Variants in PSD4 observed in about 807,000 individuals in gnomAD.
The protein encoded by PSD4 is PH and SEC7 domain-containing protein 4.
A neutral mutation model predicts 112.5 loss-of-function variants in PSD4; 59 were observed. The ratio of observed to expected loss-of-function variants is 0.52; its 90% confidence interval spans 0.43 to 0.65. PSD4 has a LOEUF of 0.65. PSD4 is among the 30% of genes least tolerant of loss of function. The pLI is 0.00. For missense variants in PSD4, 1,267 were observed against 1,352.6 expected, an observed-to-expected ratio of 0.94 and a Z score of 0.99; for synonymous variants, 533 against 540.0, an observed-to-expected ratio of 0.99 and a Z score of 0.18.
At position 113,194,013 on chromosome 2, in the gene PSD4, A is replaced by G. The variant is rs1022224214; in HGVS notation, c.2181+65A>G. On this transcript the variant is annotated intron_variant, in intron 10 of 16. Transcript: ENST00000245796. ...CCTGGAGCCTTGGTTCTTTGTTCCA[A>G]GGGAGATGCTGAGCTTGGGACTGGC... is the stretch of plus-strand genomic sequence containing the variant. The G allele has an allele frequency of 2.0e-6, 3 of 1,515,294 alleles. No individual in the cohort carries two copies. The African/African-American group carries it at 4.2e-5, about 21-fold the overall frequency. 93.9% of individuals were successfully genotyped at this position (1,515,294 alleles called of 1,614,324 possible).
In PSD4 at chr2:113,198,757, G is replaced by A. The variant is rs1185184143; in HGVS notation, c.2642G>A (p.Ser881Asn). The change falls in exon 15 of 17, where the codon AGC becomes AAC. Residue 881 changes from serine (S) to asparagine (N), a missense_variant. By Grantham distance (46) the Ser-to-Asn change is conservative (BLOSUM62 1). This residue lies in a region of PSD4 where 544 missense variants were observed against 648.6 expected (regional missense o/e 0.84). Coordinates refer to ENST00000245796, the MANE Select transcript of PSD4 (RefSeq NM_012455.3). ...LFQAPTAKEM[S>N]SWIARINLAA... ...TGCCCCAGCACTGCCAAGGAGATGA[G>A]CTCCTGGATCGCGCGCATCAACTTG... The A allele has an allele frequency of 1.1e-5, 17 of 1,571,728 alleles. No individual in the cohort carries two copies. Among genetic ancestry groups the A allele is most frequent in the South Asian group, 2.3e-5 (2 of 88,604 alleles).
chr2:113,197,561 C>A lies in PSD4; in HGVS notation c.2387-3C>A. The A allele has an allele frequency of 6.2e-7, 1 of 1,614,194 alleles. No individual in the cohort carries two copies. On this transcript the variant is annotated splice_region_variant and splice_polypyrimidine_tract_variant and intron_variant, in intron 12 of 16. Coordinates refer to ENST00000245796, the MANE Select transcript of PSD4 (RefSeq NM_012455.3). ...CAACATTTGTGTTCTGTTCCTGGAA[C>A]AGCGCCATGGGGCAAGCGTGGCTGG...
At chr2:113,199,254 G>T (rs45587631) in intron 16 of PSD4, 28 bp downstream of exon 16, 1 of 1,431,412 alleles carries the variant, frequency 7.0e-7, no homozygotes, top group Admixed American at 3.0e-5. Flanking sequence ...CCTCCCCGCC[G>T]CTGCGCAGCG....
Position 113,186,196 on chromosome 2 carries a change from A to G in PSD4, c.1569A>G (p.Thr523=). 2 of 1,613,598 alleles carry G rather than the reference A, an allele frequency of 1.2e-6. No homozygotes were observed. Among genetic ancestry groups the G allele is most frequent in the Non-Finnish European group, 1.7e-6 (2 of 1,179,794 alleles). ...KPGEEVKSEG[T]ARPAETGDVQ... ...GCGAGGAAGTAAAGAGTGAAGGAAC[A>G]GCCAGGCCTGCAGAGACTGGAGACG... Residue 523 remains threonine, a synonymous_variant, in exon 5 of 17, where the codon ACA becomes ACG. Transcript: ENST00000245796.
At chr2:113,177,282 C>T (rs750336223) in intron 1 of PSD4, among the ~76,000 whole-genome samples, 4 of 152,228 alleles carry the variant, frequency 2.6e-5, no homozygotes, top group South Asian at 2.1e-4. Flanking sequence ...CTCCAAGCCT[C>T]GGTCTTCCCC....
chr2:113,189,440 T>C (rs527884953), intron 5 of PSD4, among the ~76,000 whole-genome samples: 2 of 152,066 alleles, frequency 1.3e-5, no homozygotes, highest in East Asian at 1.9e-4. Context: ...TTCCATGCTT[T>C]TGTGATTGCA....
rs1217040682 is a variant in PSD4 at position 113,203,078 on chromosome 2, T to C, written c.*1663T>C. The C allele has an allele frequency of 6.6e-6, 1 of 152,340 alleles. No individual in the cohort carries two copies. The highest frequency in any genetic ancestry group is 1.5e-5 in the Non-Finnish European group (1 of 68,070). 9.4% of individuals were successfully genotyped at this position (152,340 alleles called of 1,614,324 possible). On this transcript the variant is annotated 3_prime_UTR_variant, in exon 17 of 17. Transcript: ENST00000245796. ...TGCATATGCAGGAGTCACACGGTCA[T>C]AGGCCATCAAAGCTGGAGGAGACCT...
intron 12 of PSD4, 72 bp from the exon 13 acceptor site, chr2:113,197,492 C>T (rs1200024092): frequency 6.4e-7 from 1 of 1,554,374 alleles, no homozygotes; most frequent in East Asian, 2.3e-5. Flanking sequence ...CATATGCACA[C>T]TTGCGTGTGT....
At chr2:113,198,014 C>A in intron 14 of PSD4, 101 bp downstream of exon 14, 2 of 1,310,796 alleles carry the variant, frequency 1.5e-6, no homozygotes, top group Non-Finnish European at 2.0e-6. Flanking sequence ...CCCAGGGGGT[C>A]CTGGTGGGAA....
Position 113,184,991 on chromosome 2 carries a change from C to A in PSD4, c.1091C>A (p.Pro364Gln), listed in dbSNP as rs768126233. The A allele has an allele frequency of 1.4e-5, 22 of 1,614,236 alleles. No homozygotes were observed. Among genetic ancestry groups the A allele is most frequent in the Non-Finnish European group, 1.7e-5 (20 of 1,180,032 alleles). ...DRLGPAPSAA[P>Q]CVDEALTWES... is the part of the protein sequence containing the mutation. ...CTTGGTCCTGCTCCATCTGCAGCAC[C>A]GTGTGTGGACGAAGCATTGACCTGG... is the stretch of plus-strand genomic sequence containing the variant. Residue 364 changes from proline (P) to glutamine (Q), a missense_variant, in exon 3 of 17, where the codon CCG becomes CAG. Pro to Gln is a moderately conservative substitution (Grantham distance 76). Coordinates refer to ENST00000245796, the MANE Select transcript of PSD4 (RefSeq NM_012455.3).
intron 10 of PSD4, among the ~76,000 whole-genome samples, chr2:113,195,311 C>T (rs1411752576): frequency 6.6e-6 from 1 of 152,052 alleles, no homozygotes; most frequent in African/African-American, 2.4e-5. Context: ...CAGGTGTGCA[C>T]CACCACGCCC....
At position 113,197,877 on chromosome 2, in the gene PSD4, G is replaced by T; in HGVS notation, c.2588G>T (p.Arg863Leu). 1 of 1,601,258 alleles carries T rather than the reference G, an allele frequency of 6.2e-7. No homozygotes were observed. Among genetic ancestry groups the T allele is most frequent in the Middle Eastern group, 2.1e-4 (1 of 4,712 alleles). ...YTKKPHVFQL[R>L]TADWRLYLFQ... ...AAGAAGCCGCACGTCTTCCAGCTGC[G>T]CACGGCTGACTGGCGCCTCTACCTC... The change falls in exon 14 of 17, where the codon CGC becomes CTC. Residue 863 changes from arginine (R) to leucine (L), a missense_variant. Arg to Leu is a moderately radical substitution (Grantham distance 102). This residue lies in a region of PSD4 where 544 missense variants were observed against 648.6 expected (regional missense o/e 0.84). Coordinates refer to ENST00000245796, the MANE Select transcript of PSD4 (RefSeq NM_012455.3).
At chr2:113,193,550 GT>G (rs1558893678) in intron 8 of PSD4, 41 bp from the exon 9 acceptor site, 5 of 1,582,874 alleles carry the variant, frequency 3.2e-6, no homozygotes, top group Non-Finnish European at 4.3e-6. Context: ...AGGAGCCCTG[GT>G]TCCAATGAGC....
chr2:113,201,300 C>G lies in PSD4; in HGVS notation c.3056C>G (p.Ser1019Trp), dbSNP rs751843072. 1 of 1,614,180 alleles carries G rather than the reference C, an allele frequency of 6.2e-7. No individual in the cohort carries two copies. The highest frequency in any genetic ancestry group is 8.5e-7 in the Non-Finnish European group (1 of 1,180,028). ...EPKLSLKKSH[S>W]SPSLHQDEAP... is the part of the protein sequence containing the mutation. Reference sequence around the variant, plus strand: ...AAGCTCAGCCTGAAGAAGTCCCACTCGAGCCCGTCCCTGCACCAGGATGAG... The same window carrying G: ...AAGCTCAGCCTGAAGAAGTCCCACTGGAGCCCGTCCCTGCACCAGGATGAG... Residue 1019 changes from serine to tryptophan, a missense_variant, in exon 17 of 17, where the codon TCG becomes TGG. By Grantham distance (177) the Ser-to-Trp change is radical. Transcript: ENST00000245796.
At chr2:113,194,297 T>C (rs1052165770) in intron 10 of PSD4, among the ~76,000 whole-genome samples, 4 of 152,228 alleles carry the variant, frequency 2.6e-5, no homozygotes, top group African/African-American at 9.6e-5. Flanking sequence ...AGCTCAGACT[T>C]GGGAGCCTGG....
rs1051801818 is a variant in PSD4 at position 113,208,604 on chromosome 2, C to G, written c.*7189C>G. ...AATCAGGGTAGAAGCCTCTGGTTTT[C>G]TTATTTCTTTGTCCTCCTCTGTGGT... is the stretch of plus-strand genomic sequence containing the variant. On this transcript the variant is annotated 3_prime_UTR_variant, in exon 17 of 17. Coordinates refer to ENST00000245796, the MANE Select transcript of PSD4 (RefSeq NM_012455.3). The G allele has an allele frequency of 1.3e-5, 2 of 152,182 alleles. No homozygotes were observed. The highest frequency in any genetic ancestry group is 6.6e-5 in the Admixed American group (1 of 15,264). 9.4% of individuals were successfully genotyped at this position (152,182 alleles called of 1,614,324 possible).
In PSD4 at chr2:113,206,826, G is replaced by C. The variant is rs189630997; in HGVS notation, c.*5411G>C. 1 of 152,242 alleles carries C rather than the reference G, an allele frequency of 6.6e-6. No individual in the cohort carries two copies. Among genetic ancestry groups the C allele is most frequent in the East Asian group, 1.9e-4 (1 of 5,150 alleles). 9.4% of individuals were successfully genotyped at this position (152,242 alleles called of 1,614,324 possible). On this transcript the variant is annotated 3_prime_UTR_variant, in exon 17 of 17. Coordinates refer to ENST00000245796, the MANE Select transcript of PSD4 (RefSeq NM_012455.3). ...TGCATGCCATCCTGCTTGGATGCTG[G>C]GTAGCTTTGCACTTGGCTCTGCCTT...
chr2:113,182,937 C>T lies in PSD4; in HGVS notation c.481C>T (p.Leu161=), dbSNP rs1277123060. 1.3e-5 allele frequency: 21 copies of T among 1,614,204 alleles called. No individual in the cohort carries two copies. The highest frequency in any genetic ancestry group is 1.6e-5 in the Non-Finnish European group (19 of 1,180,024). ...STQVVFWAGI[L]QAQMCVLDLE... is the part of the protein sequence containing the mutation. Reference sequence around the variant, plus strand: ...ACAGGTAGTGTTCTGGGCAGGCATCCTGCAGGCCCAGATGTGTGTCCTAGA... The same window carrying T: ...ACAGGTAGTGTTCTGGGCAGGCATCTTGCAGGCCCAGATGTGTGTCCTAGA... The change falls in exon 2 of 17, where the codon CTG becomes TTG. Residue 161 remains leucine (L), a synonymous_variant. Transcript: ENST00000245796.
intron 5 of PSD4, among the ~76,000 whole-genome samples, chr2:113,191,457 A>G (rs1688438873): frequency 6.6e-6 from 1 of 152,128 alleles, no homozygotes; most frequent in Admixed American, 6.5e-5. Flanking sequence ...TTTTTAGTAG[A>G]GACAGCGTTT....
Sources: gnomAD v4.1 joint callset for allele counts (sites outside exome capture counted in the v4.1 genomes callset) on GRCh38, gnomAD v4.1.1 for gene constraint, gnomAD v4.1.1 regional missense constraint, MANE v1.5 for transcripts, NCBI Gene and HGNC (gene_info 2026-07-23, HGNC 2026-07-21) for gene names.